Variants in DNAH12 observed in about 807,000 individuals in gnomAD.
The protein encoded by DNAH12 is dynein axonemal heavy chain 12.
A neutral mutation model predicts 371.5 loss-of-function variants in DNAH12; 285 were observed. That is an observed-to-expected ratio of 0.77 (90% confidence interval 0.70 to 0.85). The LOEUF is 0.85. Among genes scored for constraint, DNAH12 ranks in the 40% least tolerant of loss-of-function variants. The pLI is 0.00. For missense variants in DNAH12, 3,611 were observed against 3,689.4 expected (o/e 0.98, Z 0.55); for synonymous variants, 1,200 against 1,213.0 (o/e 0.99, Z 0.22).
In DNAH12 at chr3:57,379,470, T is replaced by C. The variant is rs942452547; in HGVS notation, c.8083-172A>G. On this transcript the variant is annotated intron_variant, in intron 51 of 73. Transcript: ENST00000495027. ...AATAAGCATAATTGTAGCAGAAGTA[T>C]GTCATATTTGTGAGCAAAATATGCA... Among the ~76,000 whole-genome samples the C allele has an allele frequency of 2.2e-4, 34 of 151,586 alleles. 1 individual carries two copies. Among genetic ancestry groups the C allele is most frequent in the African/African-American group, 7.0e-4 (29 of 41,544 alleles).
rs375304306 is a variant in DNAH12, at chr3:57,298,158, T to C, written c.11395-1174A>G. 2.8e-4 allele frequency among the ~76,000 whole-genome samples: 43 copies of C among 152,288 alleles called. No individual in the cohort carries two copies. In the South Asian group the frequency reaches 8.1e-3, roughly 29 times the overall value. The stretch of plus-strand genomic sequence containing the variant: ...ATCCTTCTCAGTCCAAGCTTCTCAG[T>C]CCAGGCACCTCTGGTGGTAGAACTC... On this transcript the variant is annotated intron_variant, in intron 70 of 73. Coordinates refer to ENST00000495027, the MANE Select transcript of DNAH12 (RefSeq NM_001366028.2).
intron 32 of DNAH12, among the ~76,000 whole-genome samples, chr3:57,430,460 TTCAA>T (rs148508634): frequency 0.031 from 4,699 of 152,256 alleles, 243 homozygotes; most frequent in African/African-American, 0.11. Context: ...TAAAGCAAAA[TTCAA>T]TCAAAGACTA....
rs538946199 is a variant in DNAH12, at chr3:57,325,733, C to T, written c.9979-2114G>A. ...AAAGCTGGACGGAGAGTGACTTTGA[C>T]GAGTTGAGAGAAGAAGGCTTCAGAC... On this transcript the variant is annotated intron_variant, in intron 62 of 73. Transcript: ENST00000495027. Among the ~76,000 whole-genome samples, 273 of 152,250 alleles carry T rather than the reference C, an allele frequency of 1.8e-3. 2 individuals are homozygous for T. Among genetic ancestry groups the T allele is most frequent in the Admixed American group, 1.6e-3 (25 of 15,298 alleles).
At chr3:57,352,670 C>A (rs1028432799) in intron 59 of DNAH12, among the ~76,000 whole-genome samples, 1 of 151,666 alleles carries the variant, frequency 6.6e-6, no homozygotes, top group Non-Finnish European at 1.5e-5. Flanking sequence ...AAAAAAAATG[C>A]CTATTAAATC....
rs1405315894 is a variant in DNAH12, at chr3:57,470,578, T to C, written c.1970A>G (p.Gln657Arg). The C allele has an allele frequency of 1.3e-6, 2 of 1,548,984 alleles. No individual in the cohort carries two copies. The highest frequency in any genetic ancestry group is 2.4e-5 in the East Asian group (1 of 40,824). ...AAGTTCCTCTTCTTTATTAATAAAC[T>C]GCACTGCTTCTTCAGATTCCTGAAT... ...KRIQESEEAV[Q>R]FINKEEELFK... The change falls in exon 16 of 74, where the codon CAG (glutamine) becomes CGG (arginine). Residue 657 changes from glutamine (Q) to arginine (R), a missense_variant. Around this residue, in one of 3 missense-constraint regions of DNAH12, gnomAD observed 1,314 missense variants for 1,398.7 expected, o/e 0.94. Transcript: ENST00000495027.
At chr3:57,307,201 C>A (rs964287705) in intron 69 of DNAH12, among the ~76,000 whole-genome samples, 1 of 147,994 alleles carries the variant, frequency 6.8e-6, no homozygotes, top group Non-Finnish European at 1.5e-5. Flanking sequence ...ACAACAACTC[C>A]TTTCCTTCCT....
chr3:57,309,389 T>A, intron 68 of DNAH12, 135 bp from the exon 69 acceptor site: 2 of 746,994 alleles, frequency 2.7e-6, no homozygotes, highest in South Asian at 2.2e-5. Context: ...TGTATATAAG[T>A]CCTATGTACC....
chr3:57,438,320 AAAAC>A (rs926475601), intron 29 of DNAH12, among the ~76,000 whole-genome samples: 1 of 122,850 alleles, frequency 8.1e-6, no homozygotes, highest in African/African-American at 3.0e-5. Context: ...TCAACAACAA[AAAAC>A]AAACAAACAA....
At chr3:57,338,364 C>G (rs781991789) in intron 60 of DNAH12, among the ~76,000 whole-genome samples, 1 of 152,228 alleles carries the variant, frequency 6.6e-6, no homozygotes, top group East Asian at 1.9e-4. Context: ...CCGGCTGCCC[C>G]GTCTGGGATG....
intron 1 of DNAH12, 70 bp downstream of exon 1, chr3:57,544,127 T>A (rs954537544): frequency 6.6e-6 from 1 of 152,246 alleles, no homozygotes; most frequent in African/African-American, 2.4e-5. Context: ...TGAAAGAGTG[T>A]TTAAGTTGGC....
chr3:57,537,773 C>T (rs1338508313), intron 2 of DNAH12, among the ~76,000 whole-genome samples: 1 of 151,748 alleles, frequency 6.6e-6, no homozygotes, highest in Non-Finnish European at 1.5e-5. Context: ...CAACCTCCGC[C>T]TCCAGGGTTC....
At chr3:57,380,893 A>G (rs1425298543) in intron 50 of DNAH12, among the ~76,000 whole-genome samples, 1 of 152,254 alleles carries the variant, frequency 6.6e-6, no homozygotes, top group African/African-American at 2.4e-5. Context: ...TTAAAAAAGT[A>G]AACACTGAAA....
chr3:57,442,114 T>G (rs1019092436), intron 29 of DNAH12, among the ~76,000 whole-genome samples: 1 of 152,034 alleles, frequency 6.6e-6, no homozygotes, highest in Non-Finnish European at 1.5e-5. Flanking sequence ...AAATAAAGAT[T>G]AAATAAAGAC....
At chr3:57,317,955 G>C (rs1218637320) in intron 65 of DNAH12, among the ~76,000 whole-genome samples, 1 of 151,988 alleles carries the variant, frequency 6.6e-6, no homozygotes, top group East Asian at 1.9e-4. Context: ...TTGGCCATTT[G>C]TATGTCTTCT....
chr3:57,482,257 C>A (rs1336581449), intron 13 of DNAH12, among the ~76,000 whole-genome samples: 1 of 152,104 alleles, frequency 6.6e-6, no homozygotes, highest in Non-Finnish European at 1.5e-5. Context: ...AAAAAGTGGG[C>A]AAAGGACATG....
At chr3:57,446,376 A>G in intron 26 of DNAH12, 106 bp from the exon 27 acceptor site, 1 of 1,440,260 alleles carries the variant, frequency 6.9e-7, no homozygotes, top group Non-Finnish European at 9.2e-7. Flanking sequence ...AAATTTAGTA[A>G]AAGTTCCAAG....
intron 21 of DNAH12, 43 bp downstream of exon 21, chr3:57,458,056 A>C (rs1259463234): frequency 1.3e-6 from 2 of 1,536,620 alleles, no homozygotes; most frequent in Admixed American, 4.2e-5. Context: ...ATCACACATA[A>C]GAAAATGTTT....
rs1374502149 is a variant in DNAH12 at position 57,309,207 on chromosome 3, C to G, written c.11133G>C (p.Val3711=). Residue 3711 remains valine, a synonymous_variant, in exon 69 of 74, where the codon GTG becomes GTC. Coordinates refer to ENST00000495027, the MANE Select transcript of DNAH12 (RefSeq NM_001366028.2). ...DIEMALRKYP[V]RYEESMNTVL... is the part of the protein sequence containing the mutation. ...CAGTATTCATGCTTTCTTCATATCT[C>G]ACAGGATACTTCCGTAGTGCCATTT... The G allele has an allele frequency of 3.2e-6, 5 of 1,550,550 alleles. No individual in the cohort carries two copies. Among genetic ancestry groups the G allele is most frequent in the Non-Finnish European group, 3.5e-6 (4 of 1,146,726 alleles).
At position 57,445,261 on chromosome 3, in the gene DNAH12, G is replaced by A. The variant is rs6768943; in HGVS notation, c.4338C>T (p.Tyr1446=). Residue 1446 remains tyrosine (Y), a synonymous_variant, in exon 28 of 74, where the codon TAC becomes TAT. Transcript: ENST00000495027. The stretch of plus-strand genomic sequence containing the variant: ...CTTTTACTGCTCGCATTCCATAGTC[G>A]TAATGAAATTGCGATGAGAGCTGCT... The part of the protein sequence containing the change: ...CSEQLSSQFH[Y]DYGMRAVKAV... 0.51 allele frequency: 797,727 copies of A among 1,550,476 alleles called. 210,621 individuals carry two copies. Among genetic ancestry groups the A allele is most frequent in the Middle Eastern group, 0.6 (3,567 of 5,984 alleles).
Sources: gnomAD v4.1 joint callset for allele counts (sites outside exome capture counted in the v4.1 genomes callset) on GRCh38, gnomAD v4.1.1 for gene constraint, gnomAD v4.1.1 regional missense constraint, MANE v1.5 for transcripts, NCBI Gene and HGNC (gene_info 2026-07-23, HGNC 2026-07-21) for gene names.